Variants in AGBL3 observed in about 807,000 individuals in gnomAD.
AGBL3 encodes the protein cytosolic carboxypeptidase 3.
AGBL3 carries 68 observed loss-of-function variants against 94.5 expected under a neutral mutation model. The observed-to-expected ratio is 0.72, with a 90% confidence interval of 0.59 to 0.88. AGBL3 has a LOEUF of 0.88. AGBL3 is among the 40% of genes least tolerant of loss of function. The pLI, the probability that AGBL3 is intolerant of heterozygous loss-of-function variation, is 0.00. For synonymous variants in AGBL3, 354 were observed against 370.7 expected, an observed-to-expected ratio of 0.95 and a Z score of 0.52; for missense variants, 934 against 1,103.8, an observed-to-expected ratio of 0.85 and a Z score of 2.18.
chr7:135,103,680 A>G (rs528362333), intron 15 of AGBL3, among the ~76,000 whole-genome samples: 12 of 152,302 alleles, frequency 7.9e-5, no homozygotes, highest in Admixed American at 5.9e-4. Context: ...AGATATCTGT[A>G]GTCACATCAT....
intron 15 of AGBL3, among the ~76,000 whole-genome samples, chr7:135,091,383 C>G (rs560181722): frequency 6.6e-6 from 1 of 152,284 alleles, no homozygotes; most frequent in South Asian, 2.1e-4. Flanking sequence ...AGCCCTGTAC[C>G]CACATTTTCA....
At chr7:135,133,914 A>G (rs371120010) in intron 16 of AGBL3, among the ~76,000 whole-genome samples, 1 of 152,168 alleles carries the variant, frequency 6.6e-6, no homozygotes, top group South Asian at 2.1e-4. Context: ...CTGCTGATGC[A>G]CAAAACAACA....
chr7:134,988,064 A>C, intron 2 of AGBL3, 68 bp downstream of exon 2: 1 of 1,125,592 alleles, frequency 8.9e-7, no homozygotes, highest in South Asian at 1.5e-5. Context: ...CAATTAAAAT[A>C]TTATAAAATC....
At chr7:134,990,783 T>C (rs1198261667) in intron 3 of AGBL3, among the ~76,000 whole-genome samples, 2 of 152,230 alleles carry the variant, frequency 1.3e-5, no homozygotes, top group African/African-American at 4.8e-5. Flanking sequence ...TGGAGCATAA[T>C]TGTAATGACT....
intron 15 of AGBL3, among the ~76,000 whole-genome samples, chr7:135,094,745 T>A (rs2116944914): frequency 6.6e-6 from 1 of 152,322 alleles, no homozygotes; most frequent in Non-Finnish European, 1.5e-5. Flanking sequence ...TGGGTAGTAG[T>A]CAGAGACCAT....
chr7:135,055,866 A>T (rs1818300655), intron 11 of AGBL3, among the ~76,000 whole-genome samples: 1 of 152,166 alleles, frequency 6.6e-6, no homozygotes, highest in African/African-American at 2.4e-5. Context: ...TAGAATCCAC[A>T]ATAAACCATC....
chr7:135,011,590 G>A (rs1266998027), intron 4 of AGBL3: 1 of 152,096 alleles, frequency 6.6e-6, no homozygotes, highest in Non-Finnish European at 1.5e-5. Flanking sequence ...GTAGGAAAAT[G>A]GGCAAGAGAC....
rs62480985 is a variant in AGBL3 at position 134,991,507 on chromosome 7, G to A, written c.125-1986G>A. On this transcript the variant is annotated intron_variant, in intron 3 of 16. Coordinates refer to ENST00000436302, the MANE Select transcript of AGBL3 (RefSeq NM_178563.4). ...AGAATTTCTCAACCTCTACACTACT[G>A]ACCACCCCACCATGTTCTCCCATGA... Among the ~76,000 whole-genome samples the A allele has an allele frequency of 3.7e-3, 556 of 152,088 alleles. 2 individuals carry two copies. The highest frequency in any genetic ancestry group is 0.02 in the Middle Eastern group (6 of 294).
Position 135,032,989 on chromosome 7 carries a change from T to A in AGBL3, c.557+7T>A. On this transcript the variant is annotated splice_region_variant and intron_variant, in intron 6 of 16. Transcript: ENST00000436302. ...TACAGAAGGTAGTCAAAGTGTAGGTTCTAATTATTTTTATTTAAGGAGCTA... is the reference window on the plus strand; with the variant it reads ...TACAGAAGGTAGTCAAAGTGTAGGTACTAATTATTTTTATTTAAGGAGCTA... 1 of 1,539,744 alleles carries A rather than the reference T, an allele frequency of 6.5e-7. No individual in the cohort carries two copies. The highest frequency in any genetic ancestry group is 8.8e-7 in the Non-Finnish European group (1 of 1,142,442).
intron 8 of AGBL3, among the ~76,000 whole-genome samples, chr7:135,041,929 G>C (rs1816894776): frequency 6.6e-6 from 1 of 152,148 alleles, no homozygotes; most frequent in African/African-American, 2.4e-5. Context: ...AAAGATGTTT[G>C]ACATCAGTAG....
chr7:135,076,317 C>A, intron 12 of AGBL3, 80 bp from the exon 13 acceptor site: 1 of 1,122,770 alleles, frequency 8.9e-7, no homozygotes, highest in Non-Finnish European at 1.3e-6. Context: ...AAGTGGGAAT[C>A]TCGAAACAAT....
intron 11 of AGBL3, among the ~76,000 whole-genome samples, chr7:135,051,589 C>A (rs893850432): frequency 6.6e-6 from 1 of 151,756 alleles, no homozygotes; most frequent in Non-Finnish European, 1.5e-5. Context: ...GTTATTATTG[C>A]GTCTAGGTTT....
chr7:134,993,675 A>G lies in AGBL3; in HGVS notation c.307A>G (p.Ile103Val). Residue 103 changes from isoleucine (I) to valine (V), a missense_variant, in exon 4 of 17, where the codon ATT becomes GTT. Physicochemically the swap from Ile to Val is conservative, Grantham distance 29. Coordinates refer to ENST00000436302, the MANE Select transcript of AGBL3 (RefSeq NM_178563.4). Reference sequence around the variant, plus strand: ...AGTCATCGATGAAAAAGTCCAGCATATTGGTATGTTTTTAGCAGTTTGGGG... The same window carrying G: ...AGTCATCGATGAAAAAGTCCAGCATGTTGGTATGTTTTTAGCAGTTTGGGG... The part of the protein sequence containing the change: ...CEVIDEKVQH[I>V]DWTPSCPEPV... The G allele has an allele frequency of 6.5e-7, 1 of 1,547,984 alleles. No individual in the cohort carries two copies. The highest frequency in any genetic ancestry group is 8.7e-7 in the Non-Finnish European group (1 of 1,144,934).
At chr7:135,007,928 C>T (rs534058432) in intron 4 of AGBL3, among the ~76,000 whole-genome samples, 27 of 151,978 alleles carry the variant, frequency 1.8e-4, no homozygotes, top group African/African-American at 6.3e-4. Context: ...AATATGAATA[C>T]ATTTAGGTAA....
intron 4 of AGBL3, among the ~76,000 whole-genome samples, chr7:135,002,528 C>T (rs1053451106): frequency 6.6e-6 from 1 of 152,052 alleles, no homozygotes; most frequent in South Asian, 2.1e-4. Context: ...TGGCCCAGAG[C>T]CCCCCACCAC....
rs185053522 is a variant in AGBL3, at chr7:135,069,357, G to C, written c.1909-7040G>C. Among the ~76,000 whole-genome samples the C allele has an allele frequency of 3.7e-3, 569 of 152,294 alleles. 12 individuals carry two copies. Among genetic ancestry groups the C allele is most frequent in the Admixed American group, 0.035 (538 of 15,298 alleles). On this transcript the variant is annotated intron_variant, in intron 12 of 16. Transcript: ENST00000436302. Reference sequence around the variant, plus strand: ...CAAGGATATCCAGGAACTGAACTCAGCTCTGCACCAAGCAGACCTAACAGA... The same window carrying C: ...CAAGGATATCCAGGAACTGAACTCACCTCTGCACCAAGCAGACCTAACAGA...
chr7:135,046,529 A>G (rs1817374341), intron 11 of AGBL3, among the ~76,000 whole-genome samples: 1 of 152,138 alleles, frequency 6.6e-6, no homozygotes, highest in Non-Finnish European at 1.5e-5. Context: ...CTGTCTCCAT[A>G]GTTTTGCCTT....
chr7:135,090,371 A>G (rs1410091400), intron 15 of AGBL3, among the ~76,000 whole-genome samples: 1 of 152,130 alleles, frequency 6.6e-6, no homozygotes, highest in Non-Finnish European at 1.5e-5. Context: ...AACTCTAGGG[A>G]AACAGAATAC....
intron 13 of AGBL3, among the ~76,000 whole-genome samples, chr7:135,076,892 A>AACC (rs994369511): frequency 8.1e-4 from 124 of 152,154 alleles, no homozygotes; most frequent in African/African-American, 2.6e-3. Flanking sequence ...CCACAACAAC[A>AACC]ACAACAAACA....
Sources: gnomAD v4.1 joint callset for allele counts (sites outside exome capture counted in the v4.1 genomes callset) on GRCh38, gnomAD v4.1.1 for gene constraint, MANE v1.5 for transcripts, NCBI Gene and HGNC (gene_info 2026-07-23, HGNC 2026-07-21) for gene names.